Variants in KHDRBS2 observed in about 807,000 individuals in gnomAD.
The protein encoded by KHDRBS2 is KH domain-containing, RNA-binding, signal transduction-associated protein 2.
In KHDRBS2, 26 loss-of-function variants were observed where a neutral mutation model predicts 44.3. That is an observed-to-expected ratio of 0.59 (90% CI 0.43 to 0.81). The LOEUF (loss-of-function observed/expected upper bound fraction) is 0.81. KHDRBS2 is among the 40% of genes least tolerant of loss of function. The pLI, the probability that KHDRBS2 is intolerant of heterozygous loss-of-function variation, is 0.00. For missense variants in KHDRBS2, 476 were observed against 433.1 expected, an observed-to-expected ratio of 1.10 and a Z score of -0.88; for synonymous variants, 194 against 151.1, an observed-to-expected ratio of 1.28 and a Z score of -2.08.
intron 2 of KHDRBS2, among the ~76,000 whole-genome samples, chr6:62,065,937 ATTGT>A (rs1562772258): frequency 6.6e-6 from 1 of 151,642 alleles, no homozygotes; most frequent in African/African-American, 2.4e-5. Context: ...ATGCTTCTGC[ATTGT>A]TTTTTTGTGC....
chr6:61,672,034 C>T, the KHDRBS2 span, among the ~76,000 whole-genome samples: 1 of 138,782 alleles, frequency 7.2e-6, no homozygotes, highest in Non-Finnish European at 1.6e-5. Flanking sequence ...GTGTGATGTT[C>T]CCCTTCCTGT....
chr6:61,773,103 G>A (rs1406426622), intron 6 of KHDRBS2, among the ~76,000 whole-genome samples: 1 of 152,062 alleles, frequency 6.6e-6, no homozygotes, highest in Non-Finnish European at 1.5e-5. Flanking sequence ...ATAAACATAC[G>A]TGTGCATGTG....
At chr6:62,099,297 A>T (rs1584690186) in intron 2 of KHDRBS2, among the ~76,000 whole-genome samples, 1 of 152,114 alleles carries the variant, frequency 6.6e-6, no homozygotes, top group East Asian at 1.9e-4. Flanking sequence ...GAGATTCTAA[A>T]CAGGCTAATT....
At position 61,724,147 on chromosome 6, in the gene KHDRBS2, T is replaced by C. The variant is rs531648494; in HGVS notation, c.893+8535A>G. 3.3e-5 allele frequency among the ~76,000 whole-genome samples: 5 copies of C among 152,072 alleles called. No individual in the cohort carries two copies. The East Asian group carries it at 7.7e-4, about 24-fold the overall frequency. The stretch of plus-strand genomic sequence containing the variant: ...TGGAAACCCTATAAGCCAGGAGAGA[T>C]TGGGGGCCAATATTCAATATTGTTA... On this transcript the variant is annotated intron_variant, in intron 7 of 8. Transcript: ENST00000281156.
intron 4 of KHDRBS2, among the ~76,000 whole-genome samples, chr6:61,938,055 C>A (rs1811371168): frequency 6.6e-6 from 1 of 152,078 alleles, no homozygotes; most frequent in African/African-American, 2.4e-5. Flanking sequence ...CCCAAGCAAT[C>A]AACACAAACC....
intron 1 of KHDRBS2, among the ~76,000 whole-genome samples, chr6:62,253,021 C>T (rs1836794953): frequency 6.6e-6 from 1 of 151,948 alleles, no homozygotes; most frequent in Non-Finnish European, 1.5e-5. Flanking sequence ...CAGAGTGTAA[C>T]ACTGGGTGGC....
intron 2 of KHDRBS2, among the ~76,000 whole-genome samples, chr6:62,168,308 A>T (rs1247854759): frequency 6.6e-6 from 1 of 152,114 alleles, no homozygotes. Context: ...CTTGGGGCAA[A>T]TTTAATTGAA....
At chr6:61,921,947 T>C (rs1808145380) in intron 4 of KHDRBS2, among the ~76,000 whole-genome samples, 1 of 151,912 alleles carries the variant, frequency 6.6e-6, no homozygotes, top group African/African-American at 2.4e-5. Flanking sequence ...GGTGCTTCTT[T>C]CTTCAAACAT....
At chr6:62,104,233 C>A (rs1802592581) in intron 2 of KHDRBS2, among the ~76,000 whole-genome samples, 2 of 152,166 alleles carry the variant, frequency 1.3e-5, no homozygotes, top group African/African-American at 2.4e-5. Context: ...TATACACATT[C>A]TCTCCAGTGT....
chr6:62,107,989 C>CGTAGG (rs1387722612), intron 2 of KHDRBS2, among the ~76,000 whole-genome samples: 1 of 152,074 alleles, frequency 6.6e-6, no homozygotes, highest in Non-Finnish European at 1.5e-5. Flanking sequence ...ACCATAAAAA[C>CGTAGG]CCTAGAAGAA....
the KHDRBS2 span, among the ~76,000 whole-genome samples, chr6:61,585,895 C>G: frequency 6.6e-6 from 1 of 152,048 alleles, no homozygotes; most frequent in Non-Finnish European, 1.5e-5. Flanking sequence ...GACTGAACCC[C>G]AGATCTCTTA....
chr6:61,607,527 A>AAAAAAAAAAAC, the KHDRBS2 span, among the ~76,000 whole-genome samples: 1 of 143,150 alleles, frequency 7.0e-6, no homozygotes, highest in Non-Finnish European at 1.5e-5. Flanking sequence ...AAGCAAAAAA[A>AAAAAAAAAAAC]AAAAAAAAAA....
At chr6:62,063,059 C>G (rs1792440874) in intron 2 of KHDRBS2, among the ~76,000 whole-genome samples, 1 of 146,070 alleles carries the variant, frequency 6.8e-6, no homozygotes, top group South Asian at 2.2e-4. Flanking sequence ...GACACATACA[C>G]TCTCCCAAGA....
intron 6 of KHDRBS2, among the ~76,000 whole-genome samples, chr6:61,772,220 A>G (rs190275804): frequency 5.9e-5 from 9 of 152,352 alleles, no homozygotes; most frequent in Admixed American, 2.0e-4. Context: ...GAAAGCAGGA[A>G]AGATCTAAAA....
At chr6:61,863,837 T>A (rs1368677217) in intron 6 of KHDRBS2, among the ~76,000 whole-genome samples, 1 of 152,188 alleles carries the variant, frequency 6.6e-6, no homozygotes, top group Non-Finnish European at 1.5e-5. Context: ...TGAATATCTT[T>A]GCTAATGTTC....
chr6:61,810,625 T>A (rs1416664034), intron 6 of KHDRBS2, among the ~76,000 whole-genome samples: 2 of 152,046 alleles, frequency 1.3e-5, no homozygotes, highest in East Asian at 3.8e-4. Context: ...CATAAGAGAC[T>A]TTGGATAGAT....
At chr6:61,556,448 A>G in the KHDRBS2 span, among the ~76,000 whole-genome samples, 2 of 152,234 alleles carry the variant, frequency 1.3e-5, no homozygotes, top group Non-Finnish European at 2.9e-5. Flanking sequence ...TTTTTACTCC[A>G]AAATTCAAAT....
At chr6:62,212,368 T>C (rs1188108963) in intron 1 of KHDRBS2, among the ~76,000 whole-genome samples, 1 of 151,600 alleles carries the variant, frequency 6.6e-6, no homozygotes, top group Non-Finnish European at 1.5e-5. Context: ...TAGAGAGATA[T>C]AAGATTTAAG....
At chr6:62,071,530 A>AAG (rs1463442713) in intron 2 of KHDRBS2, among the ~76,000 whole-genome samples, 5 of 152,208 alleles carry the variant, frequency 3.3e-5, no homozygotes, top group Non-Finnish European at 5.9e-5. Context: ...ACTTGTAAGG[A>AAG]AGAGATCCAG....
Sources: gnomAD v4.1 joint callset for allele counts (sites outside exome capture counted in the v4.1 genomes callset) on GRCh38, gnomAD v4.1.1 for gene constraint, MANE v1.5 for transcripts, NCBI Gene and HGNC (gene_info 2026-07-23, HGNC 2026-07-21) for gene names.